The following PTPN14 variants were observed in gnomAD, a reference collection of about 807,000 sequenced individuals.
PTPN14 encodes the protein protein tyrosine phosphatase non-receptor type 14.
In PTPN14, 53 loss-of-function variants were observed where a neutral mutation model predicts 126.8. That is an observed-to-expected ratio of 0.42 (90% CI 0.34 to 0.53). The LOEUF (loss-of-function observed/expected upper bound fraction) is 0.53. PTPN14 is among the 20% of genes least tolerant of loss of function. The pLI, the probability that PTPN14 is intolerant of heterozygous loss-of-function variation, is 0.08. For missense variants in PTPN14, 1,257 were observed against 1,552.9 expected (o/e 0.81, Z 3.20); for synonymous variants, 630 against 599.3 (o/e 1.05, Z -0.75).
rs1320693613 is a variant in PTPN14 at position 214,378,106 on chromosome 1, G to A, written c.2545-4C>T. On this transcript the variant is annotated splice_region_variant and splice_polypyrimidine_tract_variant and intron_variant, in intron 13 of 18. Coordinates refer to ENST00000366956, the MANE Select transcript of PTPN14 (RefSeq NM_005401.5). ...CCATCTTCTGCTTCTCTAGATTCTT[G>A]CGGCAAGAAAAGGCATGTGCTCATT... The A allele has an allele frequency of 7.5e-6, 12 of 1,606,290 alleles. No homozygotes were observed. Among genetic ancestry groups the A allele is most frequent in the Non-Finnish European group, 9.3e-6 (11 of 1,178,310 alleles).
chr1:214,384,360 G>A lies in PTPN14; in HGVS notation c.1495C>T (p.Pro499Ser). The change falls in exon 13 of 19, where the codon CCT (proline) becomes TCT (serine). Residue 499 changes from proline (P) to serine (S), a missense_variant. Physicochemically the swap from Pro to Ser is moderately conservative, Grantham distance 74. This residue lies in a region of PTPN14 where 1,021 missense variants were observed against 1,183.3 expected (regional missense o/e 0.86). Coordinates refer to ENST00000366956, the MANE Select transcript of PTPN14 (RefSeq NM_005401.5). This position sits in a 1 kb window ranked among gnomAD's most constrained non-coding sequence, Gnocchi z 5.3. The stretch of plus-strand genomic sequence containing the variant: ...CTGTAGACCCCCTGTGGCCCATAAG[G>A]GACAGTGTAGGGGTGCCTCTCCCGC... The part of the protein sequence containing the change: ...EMRERHPYTV[P>S]YGPQGVYSNK... 2 of 1,614,148 alleles carry A rather than the reference G, an allele frequency of 1.2e-6. No homozygotes were observed. The highest frequency in any genetic ancestry group is 1.1e-5 in the South Asian group (1 of 91,078).
chr1:214,473,017 A>T (rs1449075854), intron 1 of PTPN14, among the ~76,000 whole-genome samples: 1 of 152,262 alleles, frequency 6.6e-6, no homozygotes. Context: ...GAGAACATAC[A>T]GAAAACCTTC....
At chr1:214,495,755 T>A (rs563316024) in intron 1 of PTPN14, among the ~76,000 whole-genome samples, 1 of 152,210 alleles carries the variant, frequency 6.6e-6, no homozygotes, top group East Asian at 1.9e-4. Flanking sequence ...AGTGCAATGG[T>A]GCGATCTCAG....
rs187702504 is a variant in PTPN14, at chr1:214,533,280, C to T, written c.-155+17903G>A. ...CCCAGGAGTGCGAGGCCCTGCTGAA[C>T]ATCAAGGCCAAGCTGGAGGCTAGGG... On this transcript the variant is annotated intron_variant, in intron 1 of 18. Coordinates refer to ENST00000366956, the MANE Select transcript of PTPN14 (RefSeq NM_005401.5). 1.3e-3 allele frequency: 790 copies of T among 598,928 alleles called. 2 individuals are homozygous for T. The highest frequency in any genetic ancestry group is 1.8e-3 in the Non-Finnish European group (595 of 322,622). 37.1% of individuals were successfully genotyped at this position (598,928 alleles called of 1,614,324 possible).
intron 1 of PTPN14, among the ~76,000 whole-genome samples, chr1:214,543,819 C>T (rs1419595960): frequency 6.6e-6 from 1 of 152,124 alleles, no homozygotes; most frequent in Non-Finnish European, 1.5e-5. Context: ...GGGGTTATTA[C>T]TATGTTGGCC....
At chr1:214,472,302 C>T (rs1572021935) in intron 1 of PTPN14, among the ~76,000 whole-genome samples, 1 of 152,034 alleles carries the variant, frequency 6.6e-6, no homozygotes, top group African/African-American at 2.4e-5. Flanking sequence ...CCCCTGACCC[C>T]GCTCGCTCTC....
At chr1:214,501,715 GTA>G (rs1269699636) in intron 1 of PTPN14, among the ~76,000 whole-genome samples, 7 of 152,118 alleles carry the variant, frequency 4.6e-5, no homozygotes. Context: ...ACCAGGCGTA[GTA>G]TAGAGAAAAA....
chr1:214,414,294 G>C (rs900018663), intron 4 of PTPN14, among the ~76,000 whole-genome samples: 1 of 152,190 alleles, frequency 6.6e-6, no homozygotes, highest in African/African-American at 2.4e-5. Flanking sequence ...TCAAGCTACA[G>C]AATATGACCA....
intron 1 of PTPN14, among the ~76,000 whole-genome samples, chr1:214,500,285 T>C (rs1345552557): frequency 6.6e-6 from 1 of 152,038 alleles, no homozygotes; most frequent in African/African-American, 2.4e-5. Context: ...AAAGGCAGAC[T>C]CTGGACACAA....
intron 1 of PTPN14, among the ~76,000 whole-genome samples, chr1:214,483,687 ACACT>A (rs1360278922): frequency 6.6e-6 from 1 of 152,078 alleles, no homozygotes; most frequent in African/African-American, 2.4e-5. Flanking sequence ...TCTCATTATG[ACACT>A]CACTCCCTCA....
At chr1:214,418,756 T>G (rs1558093770) in intron 3 of PTPN14, among the ~76,000 whole-genome samples, 1 of 152,370 alleles carries the variant, frequency 6.6e-6, no homozygotes, top group Admixed American at 6.5e-5. Context: ...ATGTTTCATA[T>G]TGTGGCCAAT....
chr1:214,399,697 A>T (rs1329538339), intron 7 of PTPN14, among the ~76,000 whole-genome samples: 1 of 152,108 alleles, frequency 6.6e-6, no homozygotes, highest in Non-Finnish European at 1.5e-5. Flanking sequence ...TCGAATAATT[A>T]CCTTTTGTTT....
At chr1:214,545,128 CAATT>C (rs777758718) in intron 1 of PTPN14, among the ~76,000 whole-genome samples, 13 of 152,226 alleles carry the variant, frequency 8.5e-5, no homozygotes, top group South Asian at 2.1e-4. Flanking sequence ...AGGGGAAAAA[CAATT>C]AAATAGTACT....
At chr1:214,414,856 C>T in intron 3 of PTPN14, 130 bp from the exon 4 acceptor site, 1 of 694,526 alleles carries the variant, frequency 1.4e-6, no homozygotes, top group Non-Finnish European at 2.5e-6. Context: ...TGATAAAGGT[C>T]ATTTCTATAA....
chr1:214,509,591 A>G (rs1389452849), intron 1 of PTPN14, among the ~76,000 whole-genome samples: 1 of 152,196 alleles, frequency 6.6e-6, no homozygotes, highest in Admixed American at 6.5e-5. Context: ...CTGGAGTGGC[A>G]ATTTTTATTT....
Position 214,357,948 on chromosome 1 carries a change from A to G in PTPN14, c.3538T>C (p.Phe1180Leu), listed in dbSNP as rs1337344427. Residue 1180 changes from phenylalanine to leucine, a missense_variant, in exon 19 of 19, where the codon TTC (phenylalanine) becomes CTC (leucine). Transcript: ENST00000366956. Reference sequence around the variant, plus strand: ...TAAATGAGTCTGGAGTTTTGGAGGAACTGGATGAGGACTTGGTAGACAAAC... The same window carrying G: ...TAAATGAGTCTGGAGTTTTGGAGGAGCTGGATGAGGACTTGGTAGACAAAC... ...YKFVYQVLIQ[F>L]LQNSRLI 1.2e-6 allele frequency: 2 copies of G among 1,612,874 alleles called. No homozygotes were observed. Among genetic ancestry groups the G allele is most frequent in the Non-Finnish European group, 1.7e-6 (2 of 1,179,304 alleles).
chr1:214,374,814 A>G (rs1030446481), intron 15 of PTPN14, among the ~76,000 whole-genome samples: 2 of 152,232 alleles, frequency 1.3e-5, no homozygotes, highest in Non-Finnish European at 2.9e-5. Context: ...ACAAAGTGAC[A>G]GCTTTTTTCA....
intron 1 of PTPN14, among the ~76,000 whole-genome samples, chr1:214,523,919 G>A (rs1024713182): frequency 2.7e-5 from 4 of 147,156 alleles, no homozygotes; most frequent in African/African-American, 1.0e-4. Flanking sequence ...GTACAATCTC[G>A]GCTCTCTGCA....
At chr1:214,410,062 A>G (rs190342962) in intron 5 of PTPN14, among the ~76,000 whole-genome samples, 1 of 152,082 alleles carries the variant, frequency 6.6e-6, no homozygotes, top group Non-Finnish European at 1.5e-5. Flanking sequence ...TCTGATGTAT[A>G]ATTTGCAAAT....
Sources: gnomAD v4.1 joint callset for allele counts (sites outside exome capture counted in the v4.1 genomes callset) on GRCh38, gnomAD v4.1.1 for gene constraint, gnomAD v4.1.1 regional missense constraint, Gnocchi (gnomAD v3.1) non-coding constraint, MANE v1.5 for transcripts, NCBI Gene and HGNC (gene_info 2026-07-23, HGNC 2026-07-21) for gene names.